The following ACOT11 variants were observed in gnomAD, a reference collection of about 807,000 sequenced individuals.
The protein encoded by ACOT11 is acyl-coenzyme A thioesterase 11.
ACOT11 carries 69 observed loss-of-function variants against 77.5 expected under a neutral mutation model. The observed-to-expected ratio is 0.89, with a 90% CI of 0.73 to 1.09. The LOEUF is 1.09. Ranked by LOEUF, ACOT11 falls within the 50% of genes least tolerant of loss-of-function variation. ACOT11 has a pLI of 0.00. For missense variants in ACOT11, 766 were observed against 813.7 expected (o/e 0.94, Z 0.71); for synonymous variants, 279 against 313.0 (o/e 0.89, Z 1.15).
intron 15 of ACOT11, chr1:54,619,955 C>T (rs1282867460): frequency 1.2e-6 from 2 of 1,614,186 alleles, no homozygotes; most frequent in Non-Finnish European, 8.5e-7. Context: ...GGCCCAGGCT[C>T]AGCAGGTAGT....
At position 54,585,838 on chromosome 1, in the gene ACOT11, A is replaced by C. The variant is rs888694597; in HGVS notation, c.245A>C (p.Glu82Ala). 3 of 1,613,988 alleles carry C rather than the reference A, an allele frequency of 1.9e-6. No individual in the cohort carries two copies. Among genetic ancestry groups the C allele is most frequent in the Non-Finnish European group, 2.5e-6 (3 of 1,179,964 alleles). Residue 82 changes from glutamate to alanine, a missense_variant, in exon 3 of 16, where the codon GAG (glutamate) becomes GCG (alanine). Transcript: ENST00000343744. ...WIDTTACLSA[E>A]RHAGCPCVTA... Reference sequence around the variant, plus strand: ...GGCTTTCTTCTGCTGACACCAGCGGAGAGGCACGCTGGCTGCCCCTGTGTC... The same window carrying C: ...GGCTTTCTTCTGCTGACACCAGCGGCGAGGCACGCTGGCTGCCCCTGTGTC...
intron 15 of ACOT11, among the ~76,000 whole-genome samples, chr1:54,618,027 C>T (rs1246781739): frequency 2.6e-5 from 4 of 151,678 alleles, no homozygotes; most frequent in South Asian, 2.1e-4. Context: ...AGGCCTGGCC[C>T]GAGATTCTGC....
chr1:54,629,474 G>A (rs1351412615), intron 15 of ACOT11, among the ~76,000 whole-genome samples: 1 of 132,718 alleles, frequency 7.5e-6, no homozygotes, highest in African/African-American at 2.6e-5. Context: ...TTTTAGCAGA[G>A]ATGGGGTTTC....
intron 1 of ACOT11, among the ~76,000 whole-genome samples, chr1:54,562,896 G>T (rs1459536765): frequency 7.2e-6 from 1 of 138,732 alleles, no homozygotes; most frequent in African/African-American, 2.7e-5. Context: ...GATGGCGGCC[G>T]GGCGGAGACG....
chr1:54,567,647 G>A (rs1157539732), intron 1 of ACOT11, among the ~76,000 whole-genome samples: 3 of 150,590 alleles, frequency 2.0e-5, no homozygotes, highest in Non-Finnish European at 4.4e-5. Flanking sequence ...CTAGCCGCTC[G>A]CAAACCCTCC....
intron 1 of ACOT11, among the ~76,000 whole-genome samples, chr1:54,556,039 C>T (rs1276520721): frequency 2.6e-5 from 4 of 152,294 alleles, no homozygotes; most frequent in Non-Finnish European, 4.4e-5. Flanking sequence ...TGAGCCACTG[C>T]ACCTGGCCTG....
chr1:54,596,851 AG>A (rs1229522552), intron 6 of ACOT11, among the ~76,000 whole-genome samples: 1 of 152,258 alleles, frequency 6.6e-6, no homozygotes, highest in Non-Finnish European at 1.5e-5. Context: ...CTGAGATTAC[AG>A]GCATGAGCCA....
intron 9 of ACOT11, 137 bp downstream of exon 9, chr1:54,601,550 A>G (rs1643964581): frequency 7.5e-7 from 1 of 1,333,444 alleles, no homozygotes; most frequent in Admixed American, 2.5e-5. Flanking sequence ...GGGCACAGCC[A>G]GCTGAGTGTC....
chr1:54,622,489 A>T (rs1336160180), intron 15 of ACOT11, among the ~76,000 whole-genome samples: 3 of 151,994 alleles, frequency 2.0e-5, no homozygotes, highest in African/African-American at 7.3e-5. Context: ...GAAGCAGGAG[A>T]ATATCTTGAA....
At position 54,601,345 on chromosome 1, in the gene ACOT11, A is replaced by T; in HGVS notation, c.961A>T (p.Met321Leu). Reference sequence around the variant, plus strand: ...CCGGCGCCACATCAACAGTGCCTTTATGACCTTTGTGGTCCTGGACGCAGA... The same window carrying T: ...CCGGCGCCACATCAACAGTGCCTTTTTGACCTTTGTGGTCCTGGACGCAGA... ...THRRHINSAFMTFVVLDADDQ... is the reference protein window; with the variant it reads ...THRRHINSAFLTFVVLDADDQ... Residue 321 changes from methionine to leucine, a missense_variant, in exon 9 of 16, where the codon ATG becomes TTG. Coordinates refer to ENST00000343744, the MANE Select transcript of ACOT11 (RefSeq NM_147161.4). The T allele has an allele frequency of 6.2e-7, 1 of 1,613,764 alleles. No individual in the cohort carries two copies.
chr1:54,620,997 T>C (rs1367226454), intron 15 of ACOT11, among the ~76,000 whole-genome samples: 1 of 149,880 alleles, frequency 6.7e-6, no homozygotes, highest in Non-Finnish European at 1.5e-5. Flanking sequence ...CCATCTCTAC[T>C]AAAAATACAA....
exon 17 of ACOT11, chr1:54,635,040 C>A: frequency 7.9e-6 from 3 of 381,038 alleles, no homozygotes; most frequent in East Asian, 4.4e-5. Context: ...TTCTATGACA[C>A]AGTTACACAT....
At chr1:54,566,021 C>T (rs1369249513) in intron 1 of ACOT11, among the ~76,000 whole-genome samples, 2 of 152,182 alleles carry the variant, frequency 1.3e-5, no homozygotes, top group Non-Finnish European at 2.9e-5. Context: ...CTTGTTTCCC[C>T]ATCTGCCTTG....
At chr1:54,634,048 C>T (rs1261983789) in intron 16 of ACOT11, among the ~76,000 whole-genome samples, 2 of 152,162 alleles carry the variant, frequency 1.3e-5, no homozygotes, top group Non-Finnish European at 2.9e-5. Flanking sequence ...TAGATCAAAT[C>T]GCTACTATGA....
In ACOT11 at chr1:54,601,385, T is replaced by C. The variant is rs753102018; in HGVS notation, c.1001T>C (p.Leu334Ser). The change falls in exon 9 of 16, where the codon TTG (leucine) becomes TCG (serine). Residue 334 changes from leucine to serine, a missense_variant. By Grantham distance (145) the Leu-to-Ser change is moderately radical. Coordinates refer to ENST00000343744, the MANE Select transcript of ACOT11 (RefSeq NM_147161.4). ...VVLDADDQPQ[L>S]LPWIRPQPGD... is the part of the protein sequence containing the mutation. Reference sequence around the variant, plus strand: ...CTGGACGCAGATGACCAGCCCCAGTTGCTGCCCTGGATTCGGCCCCAGCCC... The same window carrying C: ...CTGGACGCAGATGACCAGCCCCAGTCGCTGCCCTGGATTCGGCCCCAGCCC... The C allele has an allele frequency of 1.2e-6, 2 of 1,613,320 alleles. No homozygotes were observed. Among genetic ancestry groups the C allele is most frequent in the Non-Finnish European group, 1.7e-6 (2 of 1,179,988 alleles).
chr1:54,626,471 T>C (rs1644273678), intron 15 of ACOT11, among the ~76,000 whole-genome samples: 1 of 149,996 alleles, frequency 6.7e-6, no homozygotes, highest in Non-Finnish European at 1.5e-5. Context: ...TGTCCCACAT[T>C]TTAATTTCAT....
chr1:54,551,732 G>GTTTTGT (rs200918442), intron 1 of ACOT11, among the ~76,000 whole-genome samples: 15,900 of 149,886 alleles, frequency 0.11, 1,274 homozygotes, highest in African/African-American at 0.23. Flanking sequence ...TTTTTGTTTT[G>GTTTTGT]TTTTGTTTTT....
chr1:54,562,739 C>T (rs1165212875), intron 1 of ACOT11, among the ~76,000 whole-genome samples: 1 of 76,250 alleles, frequency 1.3e-5, no homozygotes, highest in Non-Finnish European at 2.7e-5. Flanking sequence ...GGGTCTCGGC[C>T]GGGCAGAGGC....
intron 15 of ACOT11, among the ~76,000 whole-genome samples, chr1:54,617,741 T>TTTTTTA (rs1644188666): frequency 8.0e-6 from 1 of 124,708 alleles, no homozygotes; most frequent in Non-Finnish European, 1.7e-5. Flanking sequence ...TTTTTTTTTT[T>TTTTTTA]TTTATGAAGT....
Sources: gnomAD v4.1 joint callset for allele counts (sites outside exome capture counted in the v4.1 genomes callset) on GRCh38, gnomAD v4.1.1 for gene constraint, MANE v1.5 for transcripts, NCBI Gene and HGNC (gene_info 2026-07-23, HGNC 2026-07-21) for gene names.